Variants in TUBB8 observed in about 807,000 individuals in gnomAD.
TUBB8 encodes the protein tubulin beta 8 class VIII, also known as tubulin beta-8 chain.
In TUBB8, 25 loss-of-function variants were observed where a neutral mutation model predicts 33.7. The observed-to-expected ratio is 0.74, with a 90% confidence interval of 0.54 to 1.04. The LOEUF (loss-of-function observed/expected upper bound fraction) is 1.04, where lower values mean the gene tolerates loss of function less well. Ranked by LOEUF, TUBB8 falls within the 50% of genes least tolerant of loss-of-function variation. The pLI, the probability that TUBB8 is intolerant of heterozygous loss-of-function variation, is 0.00. For missense variants in TUBB8, 279 were observed against 608.0 expected (o/e 0.46, Z 5.69); for synonymous variants, 245 against 240.1 (o/e 1.02, Z -0.19).
At chr10:69,686 G>A (rs1452263647) in intron 1 of TUBB8, among the ~76,000 whole-genome samples, 1 of 152,120 alleles carries the variant, frequency 6.6e-6, no homozygotes, top group Non-Finnish European at 1.5e-5. Context: ...GCACTTTGGG[G>A]GGATCTGAGG....
Position 47,041 on chromosome 10 carries a change from C to G in TUBB8, c.*16G>C. The G allele has an allele frequency of 1.2e-6, 1 of 821,616 alleles. No homozygotes were observed. The highest frequency in any genetic ancestry group is 2.1e-5 in the Admixed American group (1 of 47,240). 50.9% of individuals were successfully genotyped at this position (821,616 alleles called of 1,614,324 possible). On this transcript the variant is annotated 3_prime_UTR_variant, in exon 4 of 4. Coordinates refer to ENST00000568584, the MANE Select transcript of TUBB8 (RefSeq NM_177987.3). ...AATCCACACTGCTTCCCCCCTTTAC[C>G]TAGAAAAGGAGAGTTCTAGGCCACC...
upstream of TUBB8, chr10:49,535 C>G (rs1834438263): frequency 3.2e-6 from 2 of 617,910 alleles, no homozygotes; most frequent in Non-Finnish European, 6.0e-6. Context: ...AAATCCCTAG[C>G]TGAGCTGAAA....
Position 49,171 on chromosome 10 carries a change from C to T in TUBB8, c.57+11G>A, listed in dbSNP as rs782048968. ...GGCCCGGGCTAGGCCCTCAGAGCCC[C>T]GGCTGCCAACCTTGGCGCCGATCTG... is the stretch of plus-strand genomic sequence containing the variant. On this transcript the variant is annotated intron_variant, in intron 1 of 3. Coordinates refer to ENST00000568584, the MANE Select transcript of TUBB8 (RefSeq NM_177987.3). 3.8e-5 allele frequency: 59 copies of T among 1,566,386 alleles called. No homozygotes were observed. Among genetic ancestry groups the T allele is most frequent in the Admixed American group, 3.7e-5 (2 of 53,498 alleles).
intron 1 of TUBB8, among the ~76,000 whole-genome samples, chr10:73,249 G>A (rs1450603605): frequency 2.6e-5 from 4 of 152,242 alleles, no homozygotes; most frequent in African/African-American, 9.6e-5. Context: ...GTCTCGCTCT[G>A]TTGCCCAGGG....
Position 49,278 on chromosome 10 carries a change from G to T in TUBB8, c.-40C>A, listed in dbSNP as rs377636729. On this transcript the variant is annotated 5_prime_UTR_variant, in exon 1 of 4. Transcript: ENST00000568584. The stretch of plus-strand genomic sequence containing the variant: ...TAGGACGGCAGGAGAAACGTGAGAA[G>T]GAGGAGCAGACGCGCAGCGACCCAG... The T allele has an allele frequency of 1.0e-5, 16 of 1,562,452 alleles. No individual in the cohort carries two copies. The African/African-American group carries it at 1.9e-4, about 19-fold the overall frequency.
chr10:71,400 C>T (rs532708753), intron 1 of TUBB8, among the ~76,000 whole-genome samples: 50 of 150,766 alleles, frequency 3.3e-4, no homozygotes, highest in African/African-American at 1.1e-3. Flanking sequence ...TTGGGGAGGC[C>T]GAGGTGAGGG....
rs558290342 is a variant in TUBB8, at chr10:49,272, T to C, written c.-34A>G. On this transcript the variant is annotated 5_prime_UTR_variant, in exon 1 of 4. Transcript: ENST00000568584. ...CGGGATTAGGACGGCAGGAGAAACG[T>C]GAGAAGGAGGAGCAGACGCGCAGCG... The C allele has an allele frequency of 1.5e-3, 2,428 of 1,570,590 alleles. 10 individuals carry two copies. The highest frequency in any genetic ancestry group is 5.4e-3 in the Middle Eastern group (25 of 4,662).
At chr10:76,139 CAA>C (rs71374333), upstream of TUBB8, among the ~76,000 whole-genome samples, 80 of 73,330 alleles carry the variant, frequency 1.1e-3, no homozygotes, top group African/African-American at 4.7e-3. Context: ...AACTCCGTCT[CAA>C]AAAAAAAAAA....
chr10:47,390 T>C lies in TUBB8; in HGVS notation c.1002A>G (p.Gln334=). 1 of 1,612,738 alleles carries C rather than the reference T, an allele frequency of 6.2e-7. No homozygotes were observed. The highest frequency in any genetic ancestry group is 8.5e-7 in the Non-Finnish European group (1 of 1,179,962). The change falls in exon 4 of 4, where the codon CAA becomes CAG. Residue 334 remains glutamine, a synonymous_variant. Transcript: ENST00000568584. ...CAGCAAAGTAACTGCTGTTCTTATC[T>C]TGAATGTTGAACATTTGTTCATCCA... ...REVDEQMFNI[Q]DKNSSYFADW... is the part of the protein sequence containing the mutation.
intron 1 of TUBB8, among the ~76,000 whole-genome samples, chr10:63,218 T>A (rs12263702): frequency 7.0e-6 from 1 of 142,618 alleles, no homozygotes; most frequent in African/African-American, 2.6e-5. Flanking sequence ...GGACTACAGG[T>A]ACCCACCACC....
chr10:51,724 A>G (rs570025322), upstream of TUBB8, among the ~76,000 whole-genome samples: 8 of 86,704 alleles, frequency 9.2e-5, no homozygotes, highest in Admixed American at 8.7e-4. Flanking sequence ...ACTTTCATAA[A>G]TATTCTCCTA....
upstream of TUBB8, chr10:49,595 CG>C (rs1671596800): frequency 5.7e-6 from 3 of 528,460 alleles, no homozygotes; most frequent in African/African-American, 3.8e-5. Context: ...TCCATATGCA[CG>C]GAGTGCCTTT....
At chr10:75,968 T>C (rs1240885988), upstream of TUBB8, among the ~76,000 whole-genome samples, 1 of 151,394 alleles carries the variant, frequency 6.6e-6, no homozygotes, top group African/African-American at 2.4e-5. Flanking sequence ...GTGAAACCCG[T>C]CTCAACTAAA....
chr10:49,366 C>T (rs74651559), upstream of TUBB8: 1 of 906,778 alleles, frequency 1.1e-6, no homozygotes, highest in African/African-American at 1.6e-5. Context: ...GATTCGGCTC[C>T]CAGAATAAGC....
At chr10:75,318 C>A (rs1834796878), upstream of TUBB8, among the ~76,000 whole-genome samples, 1 of 151,940 alleles carries the variant, frequency 6.6e-6, no homozygotes, top group East Asian at 1.9e-4. Context: ...CACTGCACTC[C>A]AGCCTGGGTG....
chr10:62,188 T>A (rs1834611410), intron 1 of TUBB8, among the ~76,000 whole-genome samples: 1 of 152,218 alleles, frequency 6.6e-6, no homozygotes, highest in Non-Finnish European at 1.5e-5. Flanking sequence ...CTTCCTGTCT[T>A]CCTTTTAGTG....
At chr10:71,831 G>A (rs1487081108) in intron 1 of TUBB8, among the ~76,000 whole-genome samples, 6 of 151,650 alleles carry the variant, frequency 4.0e-5, no homozygotes, top group Non-Finnish European at 2.9e-5. Flanking sequence ...GATTGCTGGA[G>A]CCCAGGAGGT....
At chr10:58,487 T>C (rs11252546) in intron 1 of TUBB8, among the ~76,000 whole-genome samples, 38,421 of 151,574 alleles carry the variant, frequency 0.25, 3,963 homozygotes, top group Non-Finnish European at 0.34. Context: ...GAGGTTTAAG[T>C]GGCTCATGAT....
upstream of TUBB8, among the ~76,000 whole-genome samples, chr10:76,504 C>T (rs1554743247): frequency 6.6e-6 from 1 of 152,140 alleles, no homozygotes; most frequent in Non-Finnish European, 1.5e-5. Context: ...CGGAGCGTCT[C>T]CCTGTCCTCA....
Sources: gnomAD v4.1 joint callset for allele counts (sites outside exome capture counted in the v4.1 genomes callset) on GRCh38, gnomAD v4.1.1 for gene constraint, MANE v1.5 for transcripts, NCBI Gene and HGNC (gene_info 2026-07-23, HGNC 2026-07-21) for gene names.